The following DNAH3 variants were observed in gnomAD, a reference collection of about 807,000 sequenced individuals.
DNAH3 encodes the protein dynein axonemal heavy chain 3, also known as axonemal beta dynein heavy chain 3.
A neutral mutation model predicts 432.5 loss-of-function variants in DNAH3; 332 were observed. The observed-to-expected ratio is 0.77, with a 90% confidence interval of 0.70 to 0.84. DNAH3 has a LOEUF of 0.84. Among genes scored for constraint, DNAH3 ranks in the 40% least tolerant of loss-of-function variants. The pLI is 0.00. For missense variants in DNAH3, 4,861 were observed against 5,114.0 expected (o/e 0.95, Z 1.51); for synonymous variants, 1,956 against 1,900.2 (o/e 1.03, Z -0.76).
At position 21,048,938 on chromosome 16, in the gene DNAH3, C is replaced by T. The variant is rs191655239; in HGVS notation, c.4461+631G>A. On this transcript the variant is annotated intron_variant, in intron 31 of 61. Coordinates refer to ENST00000261383, the Ensembl canonical transcript of DNAH3. ...TGAACTCCTGACCTCAGATGATCCA[C>T]CTGCCTTGGCCTCCCAAAGTGCTGA... Among the ~76,000 whole-genome samples the T allele has an allele frequency of 2.6e-3, 403 of 152,172 alleles. 1 individual carries two copies. The highest frequency in any genetic ancestry group is 5.1e-3 in the Admixed American group (78 of 15,280).
intron 24 of DNAH3, among the ~76,000 whole-genome samples, chr16:21,066,061 G>A (rs530882295): frequency 7.4e-4 from 113 of 151,898 alleles, no homozygotes; most frequent in Non-Finnish European, 1.4e-3. Flanking sequence ...TCCTGACCTC[G>A]GGTGATCCGC....
At chr16:20,936,570 C>G in intron 60 of DNAH3, 79 bp downstream of exon 60, 1 of 1,321,544 alleles carries the variant, frequency 7.6e-7, no homozygotes, top group Non-Finnish European at 1.0e-6. Flanking sequence ...CTCCCCCTGC[C>G]TCTAGTCTGC....
intron 55 of DNAH3, among the ~76,000 whole-genome samples, chr16:20,954,153 G>A (rs2084446078): frequency 6.7e-6 from 1 of 150,356 alleles, no homozygotes. Flanking sequence ...AACCTGAGAG[G>A]TGGAGGTTGC....
chr16:21,107,171 ACAC>A (rs1050556276), intron 14 of DNAH3, among the ~76,000 whole-genome samples: 33 of 151,630 alleles, frequency 2.2e-4, no homozygotes, highest in African/African-American at 7.8e-4. Flanking sequence ...TTAGACCAAA[ACAC>A]CACCACCACC....
At chr16:21,146,018 G>A in exon 2 of DNAH3, 2 of 1,613,550 alleles carry the variant, frequency 1.2e-6, no homozygotes, top group Non-Finnish European at 1.7e-6. Context: ...ATTAGCAGAA[G>A]CAGGCAGAGG....
intron 20 of DNAH3, among the ~76,000 whole-genome samples, chr16:21,076,809 T>C (rs9937801): frequency 0.39 from 59,837 of 151,998 alleles, 11,962 homozygotes; most frequent in East Asian, 0.48. Context: ...GCTGCCCTGA[T>C]TCACGAATCT....
intron 44 of DNAH3, among the ~76,000 whole-genome samples, chr16:20,989,761 G>A (rs553448323): frequency 1.6e-4 from 24 of 152,372 alleles, no homozygotes; most frequent in African/African-American, 4.1e-4. Context: ...CAGGCATGGC[G>A]GGCTGCAGGT....
At chr16:20,981,090 T>C (rs1331308251) in intron 49 of DNAH3, among the ~76,000 whole-genome samples, 2 of 152,154 alleles carry the variant, frequency 1.3e-5, no homozygotes, top group African/African-American at 4.8e-5. Context: ...AAAAGCACCA[T>C]CAATTCGAAG....
intron 27 of DNAH3, among the ~76,000 whole-genome samples, chr16:21,055,348 G>A (rs184834565): frequency 3.0e-4 from 46 of 152,076 alleles, no homozygotes; most frequent in African/African-American, 9.4e-4. Flanking sequence ...GAGCCACCAC[G>A]CCCGGCCTGT....
At chr16:21,061,036 T>C (rs1241410650) in intron 25 of DNAH3, among the ~76,000 whole-genome samples, 1 of 151,232 alleles carries the variant, frequency 6.6e-6, no homozygotes, top group Non-Finnish European at 1.5e-5. Context: ...CCGTGGTCTC[T>C]CTATGTTGCC....
At chr16:21,072,563 G>A (rs866672590) in intron 21 of DNAH3, among the ~76,000 whole-genome samples, 27 of 152,104 alleles carry the variant, frequency 1.8e-4, no homozygotes, top group African/African-American at 6.3e-4. Flanking sequence ...CTGACCTCAA[G>A]TGATCTGCCT....
exon 3 of DNAH3, chr16:21,145,374 C>G (rs1016455136): frequency 1.9e-6 from 3 of 1,614,036 alleles, no homozygotes; most frequent in Middle Eastern, 1.6e-4. Context: ...TGCGTTGCAT[C>G]AAGGGCGGGT....
chr16:21,032,133 G>A (rs1395307425), intron 36 of DNAH3, among the ~76,000 whole-genome samples: 1 of 151,928 alleles, frequency 6.6e-6, no homozygotes, highest in East Asian at 1.9e-4. Context: ...CTATGTACCT[G>A]CTCTCACAGC....
chr16:21,117,827 A>T (rs1430996109), intron 11 of DNAH3, among the ~76,000 whole-genome samples: 2 of 152,196 alleles, frequency 1.3e-5, no homozygotes, highest in African/African-American at 4.8e-5. Flanking sequence ...TGCTCAAAAA[A>T]TACTGGGTGA....
Position 21,104,528 on chromosome 16 carries a change from T to C in DNAH3, c.2309A>G (p.Asn770Ser), listed in dbSNP as rs2091905348. 1 of 1,614,014 alleles carries C rather than the reference T, an allele frequency of 6.2e-7. No individual in the cohort carries two copies. The highest frequency in any genetic ancestry group is 8.5e-7 in the Non-Finnish European group (1 of 1,179,916). The change falls in exon 16 of 62, where the codon AAC becomes AGC. Residue 770 changes from asparagine to serine, a missense_variant. Transcript: ENST00000261383. ...CTTGTGAAGGAGCAAGTTCCGGCTG[T>C]TGTCAAAGATATCTTCAATCTGGTC...
rs753140671 is a variant in DNAH3, at chr16:20,987,891, G to A, written c.6726-42C>T. The A allele has an allele frequency of 2.5e-6, 4 of 1,614,002 alleles. No homozygotes were observed. The East Asian group carries it at 8.9e-5, about 36-fold the overall frequency. On this transcript the variant is annotated intron_variant, in intron 45 of 61. Transcript: ENST00000261383. ...TGGCACAGTAGTCAAGGAGGGGCCAGAAACTGAGAACCCCCAGCCCACTAT... is the reference window on the plus strand; with the variant it reads ...TGGCACAGTAGTCAAGGAGGGGCCAAAAACTGAGAACCCCCAGCCCACTAT...
intron 52 of DNAH3, among the ~76,000 whole-genome samples, chr16:20,968,684 CTCTT>C (rs1199815102): frequency 8.6e-5 from 13 of 151,986 alleles, no homozygotes; most frequent in Middle Eastern, 3.4e-3. Flanking sequence ...CCCTCTCTCT[CTCTT>C]TCTTCCTCTC....
chr16:20,985,492 G>A, exon 48 of DNAH3: 10 of 1,614,184 alleles, frequency 6.2e-6, no homozygotes, highest in Non-Finnish European at 7.6e-6. Flanking sequence ...GCAGATCCTA[G>A]AGATGTGCTC....
At chr16:21,139,756 C>T (rs909010354) in intron 5 of DNAH3, among the ~76,000 whole-genome samples, 17 of 148,848 alleles carry the variant, frequency 1.1e-4, no homozygotes, top group Non-Finnish European at 2.1e-4. Flanking sequence ...GCATGAGTCA[C>T]CATGCCCAGC....
Sources: gnomAD v4.1 joint callset for allele counts (sites outside exome capture counted in the v4.1 genomes callset) on GRCh38, gnomAD v4.1.1 for gene constraint, MANE v1.5 for transcripts, NCBI Gene and HGNC (gene_info 2026-07-23, HGNC 2026-07-21) for gene names.